The following ATOH8 variants were observed in gnomAD, a reference collection of about 807,000 sequenced individuals.
ATOH8 encodes atonal bHLH transcription factor 8.
Under a neutral mutation model 21.2 loss-of-function variants are expected in ATOH8, and 9 were observed. The ratio of observed to expected loss-of-function variants is 0.42; its 90% CI spans 0.26 to 0.74. The LOEUF is 0.74. Among genes scored for constraint, ATOH8 ranks in the 30% least tolerant of loss-of-function variants. The pLI, the probability that ATOH8 is intolerant of heterozygous loss-of-function variation, is 0.24. For missense variants in ATOH8, 524 were observed against 470.9 expected (o/e 1.11, Z -1.04); for synonymous variants, 253 against 224.0 (o/e 1.13, Z -1.16).
chr2:85,758,148 G>A (rs1218835605), intron 1 of ATOH8, among the ~76,000 whole-genome samples: 1 of 152,232 alleles, frequency 6.6e-6, no homozygotes, highest in African/African-American at 2.4e-5. Flanking sequence ...GCTCTCGACA[G>A]ATGAAGCAAT....
At chr2:85,775,402 G>C (rs1299129778) in intron 2 of ATOH8, among the ~76,000 whole-genome samples, 3 of 152,174 alleles carry the variant, frequency 2.0e-5, no homozygotes, top group African/African-American at 4.8e-5. Context: ...AGATGCCCCT[G>C]GGCTCTCCTG....
At chr2:85,769,662 C>T (rs1354969932) in intron 2 of ATOH8, among the ~76,000 whole-genome samples, 1 of 152,154 alleles carries the variant, frequency 6.6e-6, no homozygotes, top group East Asian at 1.9e-4. Flanking sequence ...TGGATTTTGT[C>T]GGGTGAAGGG....
intron 1 of ATOH8, among the ~76,000 whole-genome samples, chr2:85,759,431 T>C (rs1679803205): frequency 6.6e-6 from 1 of 152,082 alleles, no homozygotes; most frequent in Non-Finnish European, 1.5e-5. Flanking sequence ...ATGTCCGTAG[T>C]GCTGTCTTCC....
chr2:85,772,555 G>C (rs1037282994), intron 2 of ATOH8: 7 of 373,790 alleles, frequency 1.9e-5, no homozygotes, highest in Non-Finnish European at 3.6e-5. Context: ...CAGCCCGCCC[G>C]GCCCTCTGCT....
chr2:85,781,249 T>A, intron 2 of ATOH8: 1 of 232,258 alleles, frequency 4.3e-6, no homozygotes, highest in Non-Finnish European at 7.2e-6. Context: ...GTGGAGAGAT[T>A]AAGGTGATTG....
rs1679943698 is a variant in ATOH8 at position 85,764,193 on chromosome 2, G to A, written c.960+11G>A. On this transcript the variant is annotated intron_variant, in intron 2 of 2. Coordinates refer to ENST00000306279, the MANE Select transcript of ATOH8 (RefSeq NM_032827.7). ...GCCAAGAAGCGCAAGGTATGCACCA[G>A]CTGGGTGGGCGGTAGCTTCTGGGGA... is the stretch of plus-strand genomic sequence containing the variant. 6.2e-7 allele frequency: 1 copy of A among 1,613,300 alleles called. No homozygotes were observed. The highest frequency in any genetic ancestry group is 8.5e-7 in the Non-Finnish European group (1 of 1,179,424).
At position 85,764,178 on chromosome 2, in the gene ATOH8, G is replaced by A. The variant is rs777773100; in HGVS notation, c.956G>A (p.Arg319His). ...TLQAEGRAKK[R>H]KE The stretch of plus-strand genomic sequence containing the variant: ...CAGGCCGAGGGACGTGCCAAGAAGC[G>A]CAAGGTATGCACCAGCTGGGTGGGC... Residue 319 changes from arginine (R) to histidine (H), a missense_variant, in exon 2 of 3, where the codon CGC becomes CAC. Coordinates refer to ENST00000306279, the MANE Select transcript of ATOH8 (RefSeq NM_032827.7). 1.1e-5 allele frequency: 18 copies of A among 1,613,954 alleles called. No homozygotes were observed. Among genetic ancestry groups the A allele is most frequent in the South Asian group, 5.5e-5 (5 of 91,074 alleles).
At chr2:85,778,110 T>G (rs934776) in intron 2 of ATOH8, among the ~76,000 whole-genome samples, 10,458 of 152,306 alleles carry the variant, frequency 0.069, 1,188 homozygotes, top group African/African-American at 0.24. Context: ...GACAAGCTCA[T>G]GCAGTAGATA....
In ATOH8 at chr2:85,780,847, G is replaced by A. The variant is rs138845863; in HGVS notation, c.961-6038G>A. 545 of 981,884 alleles carry A rather than the reference G, an allele frequency of 5.6e-4. 1 individual carries two copies. The highest frequency in any genetic ancestry group is 6.0e-4 in the Non-Finnish European group (498 of 826,770). The allele number at this position is 981,884 out of a possible 1,614,324, so 60.8% of individuals were successfully genotyped here. A position where few individuals can be genotyped will look rare whatever the true frequency, so the allele number is the denominator to read the frequency against. On this transcript the variant is annotated intron_variant, in intron 2 of 2. Transcript: ENST00000306279. ...TATCCTCGATTCATGCCATGTTCCC[G>A]CCCCCCGCAAATAGCAGCCAATTCC...
At chr2:85,786,206 G>A (rs1319954474) in intron 2 of ATOH8, among the ~76,000 whole-genome samples, 2 of 152,194 alleles carry the variant, frequency 1.3e-5, no homozygotes, top group Non-Finnish European at 2.9e-5. Flanking sequence ...TGGAAGGAAT[G>A]CAATAGGTCT....
Position 85,754,718 on chromosome 2 carries a change from T to A in ATOH8, c.529T>A (p.Ser177Thr), listed in dbSNP as rs188300460. The change falls in exon 1 of 3, where the codon TCC becomes ACC. Residue 177 changes from serine to threonine, a missense_variant. By Grantham distance (58) the Ser-to-Thr change is moderately conservative. Coordinates refer to ENST00000306279, the MANE Select transcript of ATOH8 (RefSeq NM_032827.7). ...APPAPPAPPESTVRPAPPTRP... is the reference protein window; with the variant it reads ...APPAPPAPPETTVRPAPPTRP... ...CCCAGCACCGCCAGCGCCCCCGGAG[T>A]CCACTGTGCGCCCTGCGCCCCCGAC... 1 of 1,610,916 alleles carries A rather than the reference T, an allele frequency of 6.2e-7. No individual in the cohort carries two copies. The highest frequency in any genetic ancestry group is 1.7e-5 in the Admixed American group (1 of 59,922).
intron 2 of ATOH8, among the ~76,000 whole-genome samples, chr2:85,772,023 A>G (rs1423202354): frequency 1.3e-5 from 2 of 152,250 alleles, no homozygotes; most frequent in African/African-American, 4.8e-5. Flanking sequence ...ACTGCCCAGC[A>G]CAGTGGCCTG....
chr2:85,778,891 G>A (rs544385731), intron 2 of ATOH8, among the ~76,000 whole-genome samples: 2 of 151,496 alleles, frequency 1.3e-5, no homozygotes, highest in South Asian at 4.1e-4. Context: ...GAAGAGCAGA[G>A]CCTTTCTCGT....
chr2:85,774,072 G>A (rs1222082680), intron 2 of ATOH8: 4 of 984,144 alleles, frequency 4.1e-6, no homozygotes, highest in Non-Finnish European at 4.8e-6. Context: ...TCCTGGGTCT[G>A]TTCATGGATT....
chr2:85,780,784 C>T (rs529342744), intron 2 of ATOH8, among the ~76,000 whole-genome samples: 1 of 152,364 alleles, frequency 6.6e-6, no homozygotes, highest in African/African-American at 2.4e-5. Context: ...CTTAGACACT[C>T]GGGACCTTGA....
chr2:85,760,764 T>C (rs1679847846), intron 1 of ATOH8: 1 of 152,262 alleles, frequency 6.6e-6, no homozygotes, highest in African/African-American at 2.4e-5. Flanking sequence ...GGAGAATCTG[T>C]GCCGCTCAGA....
chr2:85,771,064 G>A (rs150779991), intron 2 of ATOH8, among the ~76,000 whole-genome samples: 216 of 152,328 alleles, frequency 1.4e-3, no homozygotes, highest in Non-Finnish European at 2.6e-3. Flanking sequence ...GTGGCTCTCG[G>A]GACGCTGGAG....
intron 2 of ATOH8, chr2:85,774,350 C>G: frequency 1.0e-6 from 1 of 985,550 alleles, no homozygotes; most frequent in Non-Finnish European, 1.2e-6. Flanking sequence ...TGGCACAGTG[C>G]GAGGCCTCAG....
At chr2:85,769,585 C>T (rs561514576) in intron 2 of ATOH8, among the ~76,000 whole-genome samples, 4 of 152,312 alleles carry the variant, frequency 2.6e-5, no homozygotes, top group Admixed American at 6.5e-5. Flanking sequence ...GGCCTGGGTC[C>T]GCTTTGGAAG....
Sources: gnomAD v4.1 joint callset for allele counts (sites outside exome capture counted in the v4.1 genomes callset) on GRCh38, gnomAD v4.1.1 for gene constraint, MANE v1.5 for transcripts, NCBI Gene and HGNC (gene_info 2026-07-23, HGNC 2026-07-21) for gene names.